RTL4: variants seen among roughly 807,000 people sequenced by gnomAD.
RTL4 encodes retrotransposon Gag-like protein 4.
Under a neutral mutation model 5.3 loss-of-function variants are expected in RTL4, and 4 were observed. That is an observed-to-expected ratio of 0.75 (90% CI 0.37 to 1.72). The LOEUF is 1.72. Among genes scored for constraint, RTL4 ranks in the 40% most tolerant of loss-of-function variants. RTL4 has a pLI of 0.04. For synonymous variants in RTL4, 98 were observed against 87.3 expected (o/e 1.12, Z -0.68); for missense variants, 260 against 227.1 (o/e 1.14, Z -0.93).
the RTL4 span, among the ~76,000 whole-genome samples, chrX:112,313,771 G>T: frequency 9.1e-6 from 1 of 110,118 alleles, no homozygotes; most frequent in African/African-American, 3.3e-5. Flanking sequence ...GACAGAGGAA[G>T]GAGAGGAGTG....
chrX:112,372,078 T>TA, the RTL4 span, among the ~76,000 whole-genome samples: 7 of 111,988 alleles, frequency 6.3e-5, no homozygotes, highest in Admixed American at 5.7e-4. Context: ...TAATCAAAAT[T>TA]AAAAAAACAT....
chrX:112,343,274 G>A, the RTL4 span, among the ~76,000 whole-genome samples: 3 of 112,114 alleles, frequency 2.7e-5, no homozygotes, highest in Middle Eastern at 4.6e-3. Context: ...TTCTGTAGAT[G>A]ATCCATCTTT....
the RTL4 span, among the ~76,000 whole-genome samples, chrX:112,177,193 G>C: frequency 3.6e-5 from 4 of 110,537 alleles, no homozygotes; most frequent in South Asian, 1.2e-3. Context: ...ATTTTATTTG[G>C]GTATGTACCC....
the RTL4 span, among the ~76,000 whole-genome samples, chrX:112,199,752 C>G: frequency 9.0e-6 from 1 of 111,722 alleles, no homozygotes; most frequent in Admixed American, 9.5e-5. Flanking sequence ...GCTCATTAAA[C>G]AGTACCAGAA....
At chrX:112,402,399 ATTGT>A in the RTL4 span, among the ~76,000 whole-genome samples, 811 of 62,051 alleles carry the variant, frequency 0.013, 11 homozygotes, top group African/African-American at 0.045. Context: ...CGGAATTATT[ATTGT>A]GTGTGTGTGT....
chrX:112,426,883 C>G, the RTL4 span, among the ~76,000 whole-genome samples: 1 of 109,847 alleles, frequency 9.1e-6, no homozygotes, highest in Non-Finnish European at 1.9e-5. Context: ...TAAAACAAAA[C>G]AAAATGAAAT....
the RTL4 span, among the ~76,000 whole-genome samples, chrX:112,214,502 TG>T: frequency 8.9e-6 from 1 of 112,355 alleles, no homozygotes; most frequent in African/African-American, 3.2e-5. Context: ...TTTCGGATCC[TG>T]ATTTCAATTC....
At chrX:112,204,757 C>T in the RTL4 span, among the ~76,000 whole-genome samples, 1 of 111,202 alleles carries the variant, frequency 9.0e-6, no homozygotes, top group Admixed American at 9.6e-5. Context: ...GACAGCACAA[C>T]AGAGTGACTG....
the RTL4 span, among the ~76,000 whole-genome samples, chrX:112,348,712 A>G: frequency 7.2e-5 from 8 of 110,667 alleles, no homozygotes; most frequent in Admixed American, 7.8e-4. Context: ...GTGCTGAACA[A>G]TGACTATATG....
the RTL4 span, among the ~76,000 whole-genome samples, chrX:112,271,620 C>A: frequency 9.0e-6 from 1 of 111,579 alleles, no homozygotes; most frequent in Non-Finnish European, 1.9e-5. Context: ...GTTTTAGAGA[C>A]AAGACTCTCA....
At chrX:112,248,201 G>T in the RTL4 span, among the ~76,000 whole-genome samples, 4 of 111,827 alleles carry the variant, frequency 3.6e-5, no homozygotes, top group Admixed American at 2.8e-4. Flanking sequence ...AGAGAAATTT[G>T]GTGTTTCCTT....
At chrX:112,232,776 T>C in the RTL4 span, among the ~76,000 whole-genome samples, 1 of 111,650 alleles carries the variant, frequency 9.0e-6, no homozygotes, top group South Asian at 3.8e-4. Context: ...TTAGCTATGA[T>C]TTGTCTTACC....
chrX:112,087,388 A>T, the RTL4 span, among the ~76,000 whole-genome samples: 1 of 105,454 alleles, frequency 9.5e-6, no homozygotes, highest in South Asian at 4.4e-4. Flanking sequence ...TAATGAAAAG[A>T]GTTCAAGCAT....
the RTL4 span, among the ~76,000 whole-genome samples, chrX:112,405,372 A>T: frequency 8.9e-6 from 1 of 112,049 alleles, no homozygotes; most frequent in African/African-American, 3.2e-5. Context: ...AAAGGTGTCT[A>T]AAGGACAAGG....
the RTL4 span, among the ~76,000 whole-genome samples, chrX:112,382,870 T>C: frequency 8.9e-6 from 1 of 112,071 alleles, no homozygotes; most frequent in Admixed American, 9.5e-5. Flanking sequence ...TAAGAAAAGA[T>C]GAAGGAGACA....
chrX:112,085,154 T>C, the RTL4 span, among the ~76,000 whole-genome samples: 2 of 111,884 alleles, frequency 1.8e-5, no homozygotes, highest in African/African-American at 3.2e-5. Context: ...AATAGGGACA[T>C]ATTCTGGTTT....
chrX:112,217,677 A>T, the RTL4 span, among the ~76,000 whole-genome samples: 2 of 112,043 alleles, frequency 1.8e-5, no homozygotes, highest in Non-Finnish European at 3.8e-5. Flanking sequence ...ATATGTCAGT[A>T]ATATTTTCTG....
the RTL4 span, among the ~76,000 whole-genome samples, chrX:112,420,922 T>G: frequency 8.9e-6 from 1 of 111,926 alleles, no homozygotes; most frequent in Admixed American, 9.5e-5. Flanking sequence ...TTCCTTTTTT[T>G]CTGCCGGGTA....
the RTL4 span, among the ~76,000 whole-genome samples, chrX:112,183,436 A>G: frequency 2.1e-4 from 24 of 112,175 alleles, no homozygotes; most frequent in Non-Finnish European, 1.1e-4. Context: ...GCAAAGTCAC[A>G]CATAGGCTCA....
Sources: gnomAD v4.1 joint callset for allele counts (sites outside exome capture counted in the v4.1 genomes callset) on GRCh38, gnomAD v4.1.1 for gene constraint, MANE v1.5 for transcripts, NCBI Gene and HGNC (gene_info 2026-07-23, HGNC 2026-07-21) for gene names.